Variants in MRPS28 observed in about 807,000 individuals in gnomAD.
The protein encoded by MRPS28 is small ribosomal subunit protein bS1m.
A neutral mutation model predicts 10.8 loss-of-function variants in MRPS28; 7 were observed. The observed-to-expected ratio is 0.65, with a 90% CI of 0.37 to 1.22. MRPS28 has a LOEUF of 1.22. Among genes scored for constraint, MRPS28 ranks in the 50% most tolerant of loss-of-function variants. MRPS28 has a pLI of 0.02. For missense variants in MRPS28, 265 were observed against 232.9 expected, an observed-to-expected ratio of 1.14 and a Z score of -0.90; for synonymous variants, 121 against 93.3, an observed-to-expected ratio of 1.30 and a Z score of -1.71.
At position 80,021,521 on chromosome 8, in the gene MRPS28, T is replaced by C. The variant is rs75532097; in HGVS notation, c.213+8515A>G. 2.3e-3 allele frequency among the ~76,000 whole-genome samples: 346 copies of C among 152,298 alleles called. 2 individuals carry two copies. The highest frequency in any genetic ancestry group is 7.9e-3 in the African/African-American group (327 of 41,552). On this transcript the variant is annotated intron_variant, in intron 1 of 2. Coordinates refer to ENST00000276585, the MANE Select transcript of MRPS28 (RefSeq NM_014018.3). ...TGTAAGCCAGATGCTGACAGATGCA[T>C]AGACTGGGACCAAGGGATGCTTTTA...
chr8:80,029,923 G>T, intron 1 of MRPS28, 113 bp downstream of exon 1: 1 of 1,536,086 alleles, frequency 6.5e-7, no homozygotes, highest in African/African-American at 1.4e-5. Flanking sequence ...CGGAAAACTG[G>T]GCCCCGGACC....
At chr8:79,937,687 C>G (rs1806639861) in intron 2 of MRPS28, among the ~76,000 whole-genome samples, 2 of 152,126 alleles carry the variant, frequency 1.3e-5, no homozygotes, top group African/African-American at 4.8e-5. Context: ...GTTCTTTTTA[C>G]CTTTCATAGT....
chr8:80,000,426 G>C (rs1249216760), intron 2 of MRPS28, among the ~76,000 whole-genome samples: 1 of 152,122 alleles, frequency 6.6e-6, no homozygotes, highest in East Asian at 1.9e-4. Context: ...TATAGTGACT[G>C]CTCCAAAGAC....
In MRPS28 at chr8:79,964,520, G is replaced by C. The variant is rs971157219; in HGVS notation, c.395+38479C>G. ...GAAACATCTTGGCAGAATCACATCTGTATTTAAGCATATGTGTTTTGGAAT... is the reference window on the plus strand; with the variant it reads ...GAAACATCTTGGCAGAATCACATCTCTATTTAAGCATATGTGTTTTGGAAT... On this transcript the variant is annotated intron_variant, in intron 2 of 2. Coordinates refer to ENST00000276585, the MANE Select transcript of MRPS28 (RefSeq NM_014018.3). 2.0e-5 allele frequency among the ~76,000 whole-genome samples: 3 copies of C among 152,080 alleles called. No individual in the cohort carries two copies. The South Asian group carries it at 6.2e-4, about 31-fold the overall frequency.
intron 2 of MRPS28, among the ~76,000 whole-genome samples, chr8:79,981,365 A>G (rs577932598): frequency 1.1e-4 from 17 of 152,334 alleles, no homozygotes; most frequent in African/African-American, 3.1e-4. Flanking sequence ...ACAGTATTTA[A>G]AAAACAAGCT....
At chr8:79,989,449 T>G (rs1450626193) in intron 2 of MRPS28, among the ~76,000 whole-genome samples, 1 of 152,138 alleles carries the variant, frequency 6.6e-6, no homozygotes, top group Non-Finnish European at 1.5e-5. Context: ...GTAGGTAAAG[T>G]AATAAGAAAT....
intron 1 of MRPS28, among the ~76,000 whole-genome samples, chr8:80,011,298 G>C (rs1364627001): frequency 6.6e-6 from 1 of 151,710 alleles, no homozygotes; most frequent in Non-Finnish European, 1.5e-5. Context: ...CTTGTAACCA[G>C]GGCAGGTCCT....
chr8:79,922,925 T>C (rs1373222729), intron 2 of MRPS28, among the ~76,000 whole-genome samples: 1 of 152,104 alleles, frequency 6.6e-6, no homozygotes, highest in African/African-American at 2.4e-5. Context: ...GAAAATAATT[T>C]TGGTAGACTA....
chr8:80,009,114 T>G (rs1019708643), intron 1 of MRPS28, among the ~76,000 whole-genome samples: 1 of 152,362 alleles, frequency 6.6e-6, no homozygotes, highest in Non-Finnish European at 1.5e-5. Flanking sequence ...GATGAGTTCA[T>G]GTCCTTTGTA....
chr8:79,950,850 C>T (rs974138870), intron 2 of MRPS28, among the ~76,000 whole-genome samples: 2 of 152,112 alleles, frequency 1.3e-5, no homozygotes, highest in African/African-American at 4.8e-5. Flanking sequence ...GAGCATATGC[C>T]CTGTAGCTTT....
chr8:80,003,952 A>T (rs937653350), intron 1 of MRPS28, among the ~76,000 whole-genome samples: 3 of 152,140 alleles, frequency 2.0e-5, no homozygotes, highest in African/African-American at 7.2e-5. Context: ...GGCGCCCACC[A>T]TTGCCAAGGC....
intron 2 of MRPS28, among the ~76,000 whole-genome samples, chr8:79,936,677 C>G (rs73691111): frequency 0.038 from 5,775 of 152,174 alleles, 368 homozygotes; most frequent in African/African-American, 0.13. Flanking sequence ...TAATATGTAA[C>G]AAAATGTTCA....
intron 2 of MRPS28, among the ~76,000 whole-genome samples, chr8:79,943,494 A>G (rs1806823326): frequency 6.6e-6 from 1 of 152,198 alleles, no homozygotes; most frequent in African/African-American, 2.4e-5. Context: ...AGCAATAAAG[A>G]ATCTTGAAGA....
chr8:79,965,849 G>A (rs967294193), intron 2 of MRPS28, among the ~76,000 whole-genome samples: 2 of 151,960 alleles, frequency 1.3e-5, no homozygotes, highest in Non-Finnish European at 2.9e-5. Context: ...CACAGTATCG[G>A]TCAATTAAAT....
intron 2 of MRPS28, among the ~76,000 whole-genome samples, chr8:79,959,446 T>C (rs1807313042): frequency 6.6e-6 from 1 of 152,148 alleles, no homozygotes; most frequent in African/African-American, 2.4e-5. Flanking sequence ...AACTACAAGA[T>C]TCTATGTTAT....
At chr8:80,025,433 C>T (rs1809470577) in intron 1 of MRPS28, among the ~76,000 whole-genome samples, 1 of 152,144 alleles carries the variant, frequency 6.6e-6, no homozygotes, top group Non-Finnish European at 1.5e-5. Flanking sequence ...CAACATATAA[C>T]CTACAAATAC....
intron 1 of MRPS28, among the ~76,000 whole-genome samples, chr8:80,015,513 T>C (rs1388037474): frequency 2.0e-5 from 3 of 152,140 alleles, no homozygotes; most frequent in Admixed American, 2.0e-4. Context: ...ACAGGCTCAC[T>C]AGAAGACTGA....
chr8:79,921,143 G>T (rs1006999781), intron 2 of MRPS28, among the ~76,000 whole-genome samples: 1 of 150,712 alleles, frequency 6.6e-6, no homozygotes, highest in Non-Finnish European at 1.5e-5. Context: ...TGTTCCATTG[G>T]TCTATATCTC....
chr8:79,987,106 C>A (rs1036411334), intron 2 of MRPS28, among the ~76,000 whole-genome samples: 1 of 152,138 alleles, frequency 6.6e-6, no homozygotes, highest in African/African-American at 2.4e-5. Flanking sequence ...GAACAGAGCC[C>A]TCAGAAATAA....
Sources: allele counts gnomAD v4.1 joint callset (sites outside exome capture counted in the v4.1 genomes callset), GRCh38; gene constraint gnomAD v4.1.1; transcripts MANE v1.5; gene names NCBI Gene and HGNC (gene_info 2026-07-23, HGNC 2026-07-21).